Variants in NPRL3 observed in about 807,000 individuals in gnomAD.
The protein encoded by NPRL3 is GATOR1 complex protein NPRL3.
Under a neutral mutation model 57.2 loss-of-function variants are expected in NPRL3, and 23 were observed. The observed-to-expected ratio is 0.40, with a 90% confidence interval of 0.29 to 0.57. The LOEUF is 0.57. Ranked by LOEUF, NPRL3 falls within the 20% of genes least tolerant of loss-of-function variation. The pLI, the probability that NPRL3 is intolerant of heterozygous loss-of-function variation, is 0.42. For missense variants in NPRL3, 691 were observed against 767.1 expected (o/e 0.90, Z 1.17); for synonymous variants, 333 against 321.1 (o/e 1.04, Z -0.39).
At chr16:119,060 C>G in intron 4 of NPRL3, 66 bp downstream of exon 4, 2 of 1,595,618 alleles carry the variant, frequency 1.3e-6, no homozygotes, top group Non-Finnish European at 1.7e-6. Context: ...CCAAGGAGAG[C>G]CACACCTGCC....
chr16:135,584 G>C (rs1257741940), intron 2 of NPRL3, among the ~76,000 whole-genome samples: 1 of 146,708 alleles, frequency 6.8e-6, no homozygotes, highest in Non-Finnish European at 1.5e-5. Context: ...ACTCCAGCCT[G>C]GGCAACAGAG....
chr16:98,057 C>T (rs936306088), intron 9 of NPRL3, 88 bp downstream of exon 9: 93 of 1,497,326 alleles, frequency 6.2e-5, no homozygotes, highest in Non-Finnish European at 8.5e-5. Flanking sequence ...TGGACACAGC[C>T]CCTGTGGATG....
At chr16:100,784 AACACG>A (rs1270405660) in intron 7 of NPRL3, among the ~76,000 whole-genome samples, 20 of 147,030 alleles carry the variant, frequency 1.4e-4, no homozygotes, top group African/African-American at 4.8e-4. Context: ...CCTGGCTAAT[AACACG>A]GTGAAACCCC....
intron 3 of NPRL3, among the ~76,000 whole-genome samples, chr16:128,532 G>T (rs1596537974): frequency 6.6e-6 from 1 of 152,204 alleles, no homozygotes; most frequent in East Asian, 1.9e-4. Flanking sequence ...ACTTTGGGAG[G>T]CCGAGGCTGG....
intron 3 of NPRL3, chr16:123,617 A>C (rs1900374468): frequency 2.4e-5 from 11 of 462,952 alleles, no homozygotes; most frequent in South Asian, 1.7e-4. Flanking sequence ...AAAAGTTACA[A>C]GGCTATTTTA....
chr16:93,150 C>T (rs1395771139), intron 10 of NPRL3, 69 bp downstream of exon 10: 1 of 1,012,230 alleles, frequency 9.9e-7, no homozygotes, highest in Non-Finnish European at 1.5e-6. Flanking sequence ...AGAACAGCAT[C>T]TGGAGGGCCC....
chr16:119,036 A>G (rs1374324720), intron 4 of NPRL3, 90 bp downstream of exon 4: 1 of 1,423,988 alleles, frequency 7.0e-7, no homozygotes, highest in African/African-American at 2.2e-5. Context: ...CTGCCCAAGG[A>G]GAGCCACACC....
At chr16:119,073 A>AGGAGAGCCACACCTGCCCAG (rs2141960426) in intron 4 of NPRL3, 53 bp downstream of exon 4, 1 of 1,520,758 alleles carries the variant, frequency 6.6e-7, no homozygotes, top group East Asian at 2.4e-5. Flanking sequence ...CACCTGCCCA[A>AGGAGAGCCACACCTGCCCAG]GGAGAGCCAC....
intron 7 of NPRL3, among the ~76,000 whole-genome samples, chr16:100,840 G>C (rs374857369): frequency 6.7e-6 from 1 of 149,640 alleles, no homozygotes; most frequent in African/African-American, 2.5e-5. Context: ...GTGTGGTGGC[G>C]GGCGCCTGTA....
intron 7 of NPRL3, among the ~76,000 whole-genome samples, chr16:110,072 C>T (rs1005164919): frequency 7.2e-5 from 11 of 152,110 alleles, no homozygotes; most frequent in Non-Finnish European, 1.6e-4. Context: ...AGTCGGGAGA[C>T]CACCCTGACC....
At chr16:131,436 G>A (rs764356049) in intron 2 of NPRL3, among the ~76,000 whole-genome samples, 2 of 134,682 alleles carry the variant, frequency 1.5e-5, no homozygotes, top group East Asian at 2.0e-4. Flanking sequence ...CCAAGATCGC[G>A]CCACTGTACT....
At chr16:97,111 C>A (rs1241320191) in intron 9 of NPRL3, among the ~76,000 whole-genome samples, 1 of 152,246 alleles carries the variant, frequency 6.6e-6, no homozygotes, top group African/African-American at 2.4e-5. Context: ...GAGGGCGCCA[C>A]CCACAGGCAC....
At chr16:116,578 T>G (rs1900041029) in intron 5 of NPRL3, among the ~76,000 whole-genome samples, 1 of 152,130 alleles carries the variant, frequency 6.6e-6, no homozygotes, top group Non-Finnish European at 1.5e-5. Flanking sequence ...TCCCAGCACT[T>G]TGGGTGGCCA....
At position 114,793 on chromosome 16, in the gene NPRL3, A is replaced by G. The variant is rs370433553; in HGVS notation, c.394-2018T>C. 5.5e-4 allele frequency among the ~76,000 whole-genome samples: 84 copies of G among 152,274 alleles called. No individual in the cohort carries two copies. In the East Asian group the frequency reaches 0.015, roughly 27 times the overall value. On this transcript the variant is annotated intron_variant, in intron 5 of 13. Transcript: ENST00000611875. ...AAAATTAAGTGCCCATATTTTATACAGATATCTTCTGAAGTATGTAGGGAT... is the reference window on the plus strand; with the variant it reads ...AAAATTAAGTGCCCATATTTTATACGGATATCTTCTGAAGTATGTAGGGAT...
At chr16:123,747 G>A (rs1376442252) in intron 3 of NPRL3, among the ~76,000 whole-genome samples, 1 of 142,476 alleles carries the variant, frequency 7.0e-6, no homozygotes, top group Non-Finnish European at 1.5e-5. Context: ...TGAGAAACAG[G>A]GTCACACACT....
intron 3 of NPRL3, among the ~76,000 whole-genome samples, chr16:127,849 T>C (rs1298399078): frequency 1.3e-5 from 2 of 151,024 alleles, no homozygotes; most frequent in African/African-American, 4.9e-5. Context: ...AGAGATGGGG[T>C]TTCACCGTGT....
At chr16:110,871 T>C (rs558586353) in intron 6 of NPRL3, among the ~76,000 whole-genome samples, 19 of 152,228 alleles carry the variant, frequency 1.2e-4, no homozygotes, top group African/African-American at 4.6e-4. Flanking sequence ...ATTTTAAAAT[T>C]TTTTGTCTGG....
intron 2 of NPRL3, among the ~76,000 whole-genome samples, chr16:133,712 A>G (rs1024295200): frequency 3.3e-5 from 5 of 152,164 alleles, no homozygotes; most frequent in Admixed American, 1.3e-4. Context: ...TGCATTTACC[A>G]TTTGGCTGTT....
chr16:96,966 G>GAAA (rs397809581), intron 9 of NPRL3, among the ~76,000 whole-genome samples: 30 of 151,726 alleles, frequency 2.0e-4, no homozygotes, highest in African/African-American at 7.0e-4. Flanking sequence ...AACGTGCTAA[G>GAAA]CAGAGACCTG....
Sources: gnomAD v4.1 joint callset for allele counts (sites outside exome capture counted in the v4.1 genomes callset) on GRCh38, gnomAD v4.1.1 for gene constraint, MANE v1.5 for transcripts, NCBI Gene and HGNC (gene_info 2026-07-23, HGNC 2026-07-21) for gene names.